Variants in PGCKA1 observed in about 807,000 individuals in gnomAD.
PGCKA1 encodes PDCD10 and GCKIII kinases-associated protein 1.
the PGCKA1 span, among the ~76,000 whole-genome samples, chr4:37,536,145 A>G: frequency 2.6e-5 from 4 of 152,326 alleles, no homozygotes; most frequent in African/African-American, 9.6e-5. Flanking sequence ...CCATATAGCC[A>G]GGGGATAGGC....
chr4:37,500,108 T>C, the PGCKA1 span, among the ~76,000 whole-genome samples: 1 of 151,988 alleles, frequency 6.6e-6, no homozygotes, highest in Non-Finnish European at 1.5e-5. Flanking sequence ...GCATTTTTAG[T>C]AGAGACAGGG....
chr4:37,453,811 C>T, the PGCKA1 span: 2 of 152,162 alleles, frequency 1.3e-5, no homozygotes, highest in African/African-American at 4.8e-5. Context: ...CTAGCCCCGC[C>T]GCATCCTCGG....
chr4:37,509,828 C>T, the PGCKA1 span, among the ~76,000 whole-genome samples: 21 of 151,640 alleles, frequency 1.4e-4, no homozygotes, highest in South Asian at 2.1e-4. Context: ...TCAGGCGTGG[C>T]GGCGCGCGCC....
At chr4:37,511,404 T>C in the PGCKA1 span, among the ~76,000 whole-genome samples, 1 of 152,120 alleles carries the variant, frequency 6.6e-6, no homozygotes, top group African/African-American at 2.4e-5. Context: ...AAGAGCTCTT[T>C]AGTCAGTAGG....
the PGCKA1 span, among the ~76,000 whole-genome samples, chr4:37,567,056 G>A: frequency 1.4e-5 from 2 of 143,164 alleles, no homozygotes; most frequent in African/African-American, 5.0e-5. Flanking sequence ...GCATAATCCA[G>A]CGGACAAAAA....
At chr4:37,455,389 A>G in the PGCKA1 span, among the ~76,000 whole-genome samples, 2 of 152,316 alleles carry the variant, frequency 1.3e-5, no homozygotes, top group East Asian at 1.9e-4. Flanking sequence ...GTATTTCCCT[A>G]AAGTGTGAAG....
chr4:37,585,782 A>G, the PGCKA1 span, among the ~76,000 whole-genome samples: 1 of 151,996 alleles, frequency 6.6e-6, no homozygotes, highest in Non-Finnish European at 1.5e-5. Flanking sequence ...GGGGTAGTTT[A>G]AGAGTATTCT....
the PGCKA1 span, among the ~76,000 whole-genome samples, chr4:37,520,202 G>A: frequency 6.6e-6 from 1 of 152,068 alleles, no homozygotes; most frequent in Non-Finnish European, 1.5e-5. Context: ...TATTTATCAG[G>A]GATATTGGCT....
the PGCKA1 span, chr4:37,588,125 T>TG: frequency 6.6e-6 from 1 of 152,194 alleles, no homozygotes; most frequent in African/African-American, 2.4e-5. Flanking sequence ...AAGGAAATGA[T>TG]GGGGAAAAGC....
the PGCKA1 span, among the ~76,000 whole-genome samples, chr4:37,501,699 T>C: frequency 2.0e-5 from 3 of 152,352 alleles, no homozygotes; most frequent in East Asian, 1.9e-4. Flanking sequence ...AAGGTTTCAA[T>C]GTACTCCTGC....
chr4:37,512,665 A>C, the PGCKA1 span, among the ~76,000 whole-genome samples: 2 of 152,006 alleles, frequency 1.3e-5, no homozygotes, highest in Admixed American at 6.5e-5. Flanking sequence ...CATGTTGGCC[A>C]GGATGGTCTC....
the PGCKA1 span, among the ~76,000 whole-genome samples, chr4:37,483,294 A>G: frequency 2.0e-5 from 3 of 152,136 alleles, no homozygotes; most frequent in Admixed American, 1.3e-4. Flanking sequence ...TCTTTTCTTT[A>G]TAAATTACCC....
the PGCKA1 span, among the ~76,000 whole-genome samples, chr4:37,535,796 C>G: frequency 6.6e-6 from 1 of 152,188 alleles, no homozygotes; most frequent in African/African-American, 2.4e-5. Flanking sequence ...GTCCACAGTT[C>G]AACATGGCAG....
the PGCKA1 span, among the ~76,000 whole-genome samples, chr4:37,532,526 A>G: frequency 1.3e-5 from 2 of 151,372 alleles, no homozygotes; most frequent in South Asian, 2.1e-4. Flanking sequence ...TAAAAATACT[A>G]TTATTTGTAA....
chr4:37,588,845 G>A, the PGCKA1 span: 14 of 1,608,386 alleles, frequency 8.7e-6, no homozygotes, highest in Non-Finnish European at 6.8e-6. Flanking sequence ...TTCTTTTCCA[G>A]GTGGTAACAG....
the PGCKA1 span, among the ~76,000 whole-genome samples, chr4:37,559,430 T>G: frequency 1.7e-5 from 2 of 117,614 alleles, no homozygotes; most frequent in Non-Finnish European, 3.3e-5. Context: ...AACATCACAC[T>G]CTGGGGACTG....
the PGCKA1 span, among the ~76,000 whole-genome samples, chr4:37,504,308 A>G: frequency 6.6e-6 from 1 of 152,152 alleles, no homozygotes; most frequent in Non-Finnish European, 1.5e-5. Context: ...TTATGCCACT[A>G]TCATGCTGTT....
the PGCKA1 span, among the ~76,000 whole-genome samples, chr4:37,516,226 G>A: frequency 2.9e-4 from 44 of 152,164 alleles, no homozygotes; most frequent in African/African-American, 9.7e-4. Context: ...ATGGGTCCTG[G>A]GGACCAATAG....
At chr4:37,490,116 A>G in the PGCKA1 span, among the ~76,000 whole-genome samples, 2 of 152,210 alleles carry the variant, frequency 1.3e-5, no homozygotes, top group Admixed American at 1.3e-4. Context: ...TTTTTAGAGA[A>G]GGTAATTGAA....
Sources: gnomAD v4.1 joint callset for allele counts (sites outside exome capture counted in the v4.1 genomes callset) on GRCh38, gnomAD v4.1.1 for gene constraint, MANE v1.5 for transcripts, NCBI Gene and HGNC (gene_info 2026-07-23, HGNC 2026-07-21) for gene names.